SPDL1: variants seen among roughly 807,000 people sequenced by gnomAD.
SPDL1 encodes protein Spindly.
SPDL1 carries 85 observed loss-of-function variants against 79.5 expected under a neutral mutation model. The observed-to-expected ratio is 1.07, with a 90% CI of 0.90 to 1.28. The LOEUF is 1.28. SPDL1 is among the 50% of genes most tolerant of loss of function. The pLI, the probability that SPDL1 is intolerant of heterozygous loss-of-function variation, is 0.00. For missense variants in SPDL1, 703 were observed against 697.8 expected (o/e 1.01, Z -0.08); for synonymous variants, 269 against 240.3 (o/e 1.12, Z -1.10).
chr5:169,597,488 T>C (rs368691008), intron 8 of SPDL1, among the ~76,000 whole-genome samples: 62 of 152,290 alleles, frequency 4.1e-4, no homozygotes, highest in African/African-American at 1.5e-3. Context: ...TTTAAGTATG[T>C]TTATCTGGTA....
rs1216819063 is a variant in SPDL1, at chr5:169,604,189, C to T, written c.1800C>T (p.Thr600=). The change falls in exon 12 of 12, where the codon ACC becomes ACT. Residue 600 remains threonine (T), a synonymous_variant. Transcript: ENST00000265295. ...LYVSSKSTPE[T]QCPQQ The stretch of plus-strand genomic sequence containing the variant: ...TGTCTTCTAAATCTACTCCAGAGAC[C>T]CAGTGCCCTCAACAGTAAAGACTTG... 2 of 1,598,016 alleles carry T rather than the reference C, an allele frequency of 1.3e-6. No individual in the cohort carries two copies. The highest frequency in any genetic ancestry group is 8.5e-7 in the Non-Finnish European group (1 of 1,174,020).
chr5:169,589,536 A>T (rs1247113264), intron 2 of SPDL1, among the ~76,000 whole-genome samples: 4 of 146,452 alleles, frequency 2.7e-5, no homozygotes, highest in Admixed American at 1.4e-4. Context: ...GTCCTCCCTT[A>T]TGGGCTTTAC....
At position 169,588,399 on chromosome 5, in the gene SPDL1, TA is replaced by T. The variant is rs766016340; in HGVS notation, c.-10del. 21 of 1,585,264 alleles carry T rather than the reference TA, an allele frequency of 1.3e-5. No homozygotes were observed. Among genetic ancestry groups the T allele is most frequent in the South Asian group, 5.8e-5 (5 of 85,734 alleles). On this transcript the variant is annotated 5_prime_UTR_variant, in exon 2 of 12. Transcript: ENST00000265295. The stretch of plus-strand genomic sequence containing the variant: ...TTTATTTCCTCTATTTACAGTTGGC[TA>T]AAAAAAAGAAAAGAACATGGAGGCA...
intron 1 of SPDL1, among the ~76,000 whole-genome samples, chr5:169,585,666 C>G (rs945466249): frequency 2.0e-5 from 3 of 152,180 alleles, no homozygotes; most frequent in Admixed American, 6.5e-5. Flanking sequence ...CATGTACAGG[C>G]TTTGAAAAGG....
chr5:169,597,051 G>A (rs779371523), intron 8 of SPDL1, among the ~76,000 whole-genome samples: 2 of 152,036 alleles, frequency 1.3e-5, no homozygotes, highest in Non-Finnish European at 2.9e-5. Context: ...TCCATTGCTT[G>A]CTTTATTTAC....
At chr5:169,595,706 G>A (rs912137081) in intron 7 of SPDL1, 2 of 152,096 alleles carry the variant, frequency 1.3e-5, no homozygotes, top group African/African-American at 2.4e-5. Flanking sequence ...TTTTCTTACA[G>A]TATTTGTTGG....
intron 1 of SPDL1, chr5:169,587,139 C>G (rs1581281483): frequency 6.6e-6 from 1 of 152,306 alleles, no homozygotes; most frequent in South Asian, 2.1e-4. Context: ...TCTCATCTCC[C>G]CTTTCTAATT....
At chr5:169,594,352 A>C (rs377044021) in intron 5 of SPDL1, 42 bp from the exon 6 acceptor site, 10 of 1,611,778 alleles carry the variant, frequency 6.2e-6, no homozygotes, top group Non-Finnish European at 8.5e-6. Flanking sequence ...TTTTCTTGCT[A>C]ATGTAATCTC....
intron 1 of SPDL1, among the ~76,000 whole-genome samples, chr5:169,584,387 C>T (rs1754869313): frequency 6.6e-6 from 1 of 152,212 alleles, no homozygotes; most frequent in Non-Finnish European, 1.5e-5. Context: ...AAATCACGTA[C>T]ATGACTCGCG....
intron 10 of SPDL1, 95 bp from the exon 11 acceptor site, chr5:169,601,185 A>T: frequency 9.4e-7 from 1 of 1,065,456 alleles, no homozygotes; most frequent in Non-Finnish European, 1.3e-6. Context: ...AAAAGAATGG[A>T]AAAAGGTATA....
intron 2 of SPDL1, among the ~76,000 whole-genome samples, chr5:169,590,300 A>G (rs1755208324): frequency 6.6e-6 from 1 of 152,238 alleles, no homozygotes; most frequent in Admixed American, 6.5e-5. Context: ...TCATAAAGGC[A>G]AAGTAAAGAT....
rs1247378321 is a variant in SPDL1 at position 169,598,547 on chromosome 5, A to G, written c.1104A>G (p.Thr368=). ...SGTLEDNTYY[T]DLLQMKLDNL... The stretch of plus-strand genomic sequence containing the variant: ...CTCTGGAAGATAACACCTATTATAC[A>G]GATTTACTTCAGATGAAGCTGGATA... Residue 368 remains threonine, a synonymous_variant, in exon 9 of 12, where the codon ACA becomes ACG. Coordinates refer to ENST00000265295, the MANE Select transcript of SPDL1 (RefSeq NM_017785.5). 1 of 1,612,756 alleles carries G rather than the reference A, an allele frequency of 6.2e-7. No individual in the cohort carries two copies. The highest frequency in any genetic ancestry group is 8.5e-7 in the Non-Finnish European group (1 of 1,178,924).
In SPDL1 at chr5:169,601,264, T is replaced by G; in HGVS notation, c.1325-16T>G. On this transcript the variant is annotated splice_polypyrimidine_tract_variant and intron_variant, in intron 10 of 11. Coordinates refer to ENST00000265295, the MANE Select transcript of SPDL1 (RefSeq NM_017785.5). ...TTCTTAGATTTTTTCTTTTCCCCACTCGTTTTTATTCTCAGAGACAGTTGA... is the reference window on the plus strand; with the variant it reads ...TTCTTAGATTTTTTCTTTTCCCCACGCGTTTTTATTCTCAGAGACAGTTGA... 1 of 1,574,838 alleles carries G rather than the reference T, an allele frequency of 6.3e-7. No individual in the cohort carries two copies. Among genetic ancestry groups the G allele is most frequent in the Non-Finnish European group, 8.6e-7 (1 of 1,163,600 alleles).
rs373074326 is a variant in SPDL1, at chr5:169,593,561, G to T, written c.531+13G>T. The T allele has an allele frequency of 2.6e-6, 4 of 1,547,088 alleles. No individual in the cohort carries two copies. Among genetic ancestry groups the T allele is most frequent in the Non-Finnish European group, 3.5e-6 (4 of 1,148,848 alleles). On this transcript the variant is annotated intron_variant, in intron 4 of 11. Transcript: ENST00000265295. ...GGAGAGTATGAAGGTAATTTTTATG[G>T]CATGTGTTTCTCAGGGTTTTCTCTT...
intron 11 of SPDL1, chr5:169,601,934 T>C: frequency 2.7e-6 from 1 of 374,976 alleles, no homozygotes; most frequent in Non-Finnish European, 5.0e-6. Context: ...ACTGTTATTT[T>C]TCTCCTGGTT....
chr5:169,591,289 G>A, intron 3 of SPDL1, 65 bp downstream of exon 3: 2 of 1,515,330 alleles, frequency 1.3e-6, no homozygotes, highest in East Asian at 4.6e-5. Flanking sequence ...GTAAACTTTA[G>A]ATGATAAAGA....
intron 11 of SPDL1, chr5:169,602,067 G>T: frequency 1.0e-5 from 2 of 198,160 alleles, no homozygotes; most frequent in Non-Finnish European, 2.1e-5. Flanking sequence ...GCTTATCCTA[G>T]GCATTCAAAA....
Position 169,593,437 on chromosome 5 carries a change from CCT to C in SPDL1, c.425_426del (p.Ser142LeufsTer2), listed in dbSNP as rs1294483024. On this transcript the variant is annotated frameshift_variant, in exon 4 of 12. Coordinates refer to ENST00000265295, the MANE Select transcript of SPDL1 (RefSeq NM_017785.5). LOFTEE classifies it high-confidence loss of function. ...KHQVDHQKEL[L>X]SCKSEELRVM... ...ACCAAGTAGATCATCAGAAGGAACTCCTCTCTTGTAAATCAGAGGAACTGCGC... is the reference window on the plus strand; with the variant it reads ...ACCAAGTAGATCATCAGAAGGAACTCCTCTTGTAAATCAGAGGAACTGCGC... 1.9e-6 allele frequency: 3 copies of C among 1,613,886 alleles called. No individual in the cohort carries two copies. Among genetic ancestry groups the C allele is most frequent in the Non-Finnish European group, 2.5e-6 (3 of 1,179,988 alleles).
Position 169,604,381 on chromosome 5 carries a change from A to T in SPDL1, c.*174A>T, listed in dbSNP as rs1581327443. On this transcript the variant is annotated 3_prime_UTR_variant, in exon 12 of 12. Transcript: ENST00000265295. ...CAGAATTTGCTTGACTCTAACCTGG[A>T]GAGCTTCTTAAGTGATGCCCCTTCA... 2.1e-6 allele frequency: 1 copy of T among 481,648 alleles called. No individual in the cohort carries two copies. Among genetic ancestry groups the T allele is most frequent in the East Asian group, 3.6e-5 (1 of 28,096 alleles). 29.8% of individuals were successfully genotyped at this position (481,648 alleles called of 1,614,324 possible). A position where few individuals can be genotyped will look rare whatever the true frequency, so the allele number is the denominator to read the frequency against.
Sources: gnomAD v4.1 joint callset for allele counts (sites outside exome capture counted in the v4.1 genomes callset) on GRCh38, gnomAD v4.1.1 for gene constraint, MANE v1.5 for transcripts, NCBI Gene and HGNC (gene_info 2026-07-23, HGNC 2026-07-21) for gene names.